Variants in GPRIN1 observed in about 807,000 individuals in gnomAD.
The protein encoded by GPRIN1 is G protein-regulated inducer of neurite outgrowth 1.
Under a neutral mutation model 2.8 loss-of-function variants are expected in GPRIN1, and 4 were observed. That is an observed-to-expected ratio of 1.45 (90% CI 0.71 to 3.32). GPRIN1 has a LOEUF of 3.32. Ranked by LOEUF, GPRIN1 falls within the 30% of genes most tolerant of loss-of-function variation. The pLI is 0.01. For synonymous variants in GPRIN1, 589 were observed against 589.9 expected (o/e 1.00, Z 0.02); for missense variants, 1,322 against 1,343.4 (o/e 0.98, Z 0.25).
At chr5:176,600,197 C>T (rs565707741) in intron 1 of GPRIN1, among the ~76,000 whole-genome samples, 17 of 152,266 alleles carry the variant, frequency 1.1e-4, no homozygotes, top group East Asian at 5.8e-4. Flanking sequence ...CTCAGCTCAC[C>T]GCAACCGCAA....
intron 1 of GPRIN1, among the ~76,000 whole-genome samples, chr5:176,609,141 GAGAC>G (rs1200646507): frequency 1.3e-5 from 2 of 152,252 alleles, no homozygotes; most frequent in Admixed American, 6.5e-5. Flanking sequence ...AGCACGCTAA[GAGAC>G]AGAGTGTGTG....
rs1293771765 is a variant in GPRIN1 at position 176,596,991 on chromosome 5, C to T, written c.2844G>A (p.Glu948=). 7 of 1,409,866 alleles carry T rather than the reference C, an allele frequency of 5.0e-6. No individual in the cohort carries two copies. In the African/African-American group the frequency reaches 8.8e-5, roughly 18 times the overall value. 87.3% of individuals were successfully genotyped at this position (1,409,866 alleles called of 1,614,324 possible). ...GCGCGGGCGCCCCTTGGCGGCCGTG[C>T]TCCTCGATCTGTCGCTCCAGATGCT... ...IQKHLERQIE[E]HGRQGAPAPP... The change falls in exon 2 of 2, where the codon GAG becomes GAA. Residue 948 remains glutamate (E), a synonymous_variant. Transcript: ENST00000303991. The surrounding 1 kb of genome is among the most constrained non-coding windows in gnomAD (Gnocchi z 5.2).
chr5:176,603,717 G>A (rs973719150), intron 1 of GPRIN1, among the ~76,000 whole-genome samples: 7 of 152,352 alleles, frequency 4.6e-5, no homozygotes, highest in African/African-American at 7.2e-5. Flanking sequence ...CCAGAAGCAC[G>A]GGAGAGGTCT....
chr5:176,608,359 G>C (rs112061646), intron 1 of GPRIN1, among the ~76,000 whole-genome samples: 1,849 of 152,194 alleles, frequency 0.012, 31 homozygotes, highest in African/African-American at 0.042. Flanking sequence ...CTGTGGGAAC[G>C]CACACACCCT....
chr5:176,606,381 G>A (rs912094112), intron 1 of GPRIN1, among the ~76,000 whole-genome samples: 1 of 152,226 alleles, frequency 6.6e-6, no homozygotes, highest in Non-Finnish European at 1.5e-5. Context: ...AGACAGGCTT[G>A]TTTGACCCAC....
Position 176,595,824 on chromosome 5 carries a change from A to T in GPRIN1, c.*984T>A. The T allele has an allele frequency of 1.3e-6, 1 of 745,516 alleles. No individual in the cohort carries two copies. The highest frequency in any genetic ancestry group is 3.2e-5 in the East Asian group (1 of 31,174). 46.2% of individuals were successfully genotyped at this position (745,516 alleles called of 1,614,324 possible). On this transcript the variant is annotated 3_prime_UTR_variant, in exon 2 of 2. Transcript: ENST00000303991. ...GGGTTGGGGAAATATTTTATTACCA[A>T]TGTATACTGTGACAGTTTGTAGCCA...
rs1287947766 is a variant in GPRIN1 at position 176,599,367 on chromosome 5, C to T, written c.468G>A (p.Lys156=). Residue 156 remains lysine (K), a synonymous_variant, in exon 2 of 2, where the codon AAG becomes AAA. Coordinates refer to ENST00000303991, the MANE Select transcript of GPRIN1 (RefSeq NM_052899.3). ...NPMFLEKMDF[K]SSKQADSTSI... ...AAGTGGAATCGGCCTGCTTTGAGGA[C>T]TTGAAATCCATCTTCTCTAAGAACA... The T allele has an allele frequency of 1.9e-6, 3 of 1,614,088 alleles. No homozygotes were observed. The highest frequency in any genetic ancestry group is 2.7e-5 in the African/African-American group (2 of 74,932).
Position 176,598,511 on chromosome 5 carries a change from G to A in GPRIN1, c.1324C>T (p.Arg442Cys), listed in dbSNP as rs1039279323. Residue 442 changes from arginine to cysteine, a missense_variant, in exon 2 of 2, where the codon CGT becomes TGT. By Grantham distance (180) the Arg-to-Cys change is radical (BLOSUM62 -3). This residue lies in a region of GPRIN1 where 1,117 missense variants were observed against 1,128.6 expected (regional missense o/e 0.99). Coordinates refer to ENST00000303991, the MANE Select transcript of GPRIN1 (RefSeq NM_052899.3). ...PELLSPGQAE[R>C]VSVGKAGTVS... ...GTTCCTGCCTTTCCCACAGACACAC[G>A]CTCTGCCTGTCCAGGAGACAAGAGC... 1.9e-6 allele frequency: 3 copies of A among 1,613,934 alleles called. No homozygotes were observed. Among genetic ancestry groups the A allele is most frequent in the East Asian group, 2.2e-5 (1 of 44,900 alleles).
chr5:176,609,881 A>C (rs1236622018), intron 1 of GPRIN1, 118 bp downstream of exon 1: 1 of 149,554 alleles, frequency 6.7e-6, no homozygotes, highest in Non-Finnish European at 1.5e-5. Context: ...GAGGTGTCCG[A>C]GCCCCGCCGC....
intron 1 of GPRIN1, among the ~76,000 whole-genome samples, chr5:176,605,563 G>A (rs1759211129): frequency 6.6e-6 from 1 of 152,112 alleles, no homozygotes; most frequent in Non-Finnish European, 1.5e-5. Context: ...AGTGCTTTGG[G>A]AAGTCAAGGT....
Position 176,599,060 on chromosome 5 carries a change from GCTC to G in GPRIN1, c.772_774del (p.Glu258del), listed in dbSNP as rs1192244390. The G allele has an allele frequency of 6.2e-6, 10 of 1,614,184 alleles. No homozygotes were observed. Among genetic ancestry groups the G allele is most frequent in the Admixed American group, 1.7e-5 (1 of 60,026 alleles). ...GGATGCTCTTTTCCTGAATACCTGG[GCTC>G]CTCCTTTCTTGGGAATACAGGGTCC... On this transcript the variant is annotated inframe_deletion, in exon 2 of 2. Transcript: ENST00000303991.
chr5:176,603,168 A>C (rs879924072), intron 1 of GPRIN1, among the ~76,000 whole-genome samples: 9 of 152,108 alleles, frequency 5.9e-5, no homozygotes, highest in Non-Finnish European at 1.3e-4. Flanking sequence ...TATGCTCCTA[A>C]GCCCCTATGT....
intron 1 of GPRIN1, among the ~76,000 whole-genome samples, chr5:176,603,489 A>T (rs1263667715): frequency 1.3e-5 from 2 of 152,192 alleles, no homozygotes; most frequent in Non-Finnish European, 2.9e-5. Flanking sequence ...GTCCCTGGCC[A>T]GACCTCAGGT....
Position 176,596,998 on chromosome 5 carries a change from A to ATC in GPRIN1, c.2835_2836dup (p.Ile946ArgfsTer140), listed in dbSNP as rs1488567855. 1 of 1,424,268 alleles carries ATC rather than the reference A, an allele frequency of 7.0e-7. No individual in the cohort carries two copies. Among genetic ancestry groups the ATC allele is most frequent in the African/African-American group, 1.5e-5 (1 of 68,518 alleles). 88.2% of individuals were successfully genotyped at this position (1,424,268 alleles called of 1,614,324 possible). On this transcript the variant is annotated frameshift_variant, in exon 2 of 2. Transcript: ENST00000303991. LOFTEE classifies it high-confidence loss of function. The surrounding 1 kb of genome is among the most constrained non-coding windows in gnomAD (Gnocchi z 5.2). ...CGCCCCTTGGCGGCCGTGCTCCTCG[A>ATC]TCTGTCGCTCCAGATGCTTCTGGAT...
chr5:176,599,580 G>A lies in GPRIN1; in HGVS notation c.255C>T (p.Asp85=), dbSNP rs1256358821. ...GGCAGGCCAGGCTCCCTCTGGGGCCGTCAGAGCAGGAGGCCCCTTCCCCAG... is the reference window on the plus strand; with the variant it reads ...GGCAGGCCAGGCTCCCTCTGGGGCCATCAGAGCAGGAGGCCCCTTCCCCAG... ...SGAGEGASCS[D]GPRGSLACPS... The change falls in exon 2 of 2, where the codon GAC becomes GAT. Residue 85 remains aspartate, a synonymous_variant. Transcript: ENST00000303991. The A allele has an allele frequency of 9.0e-6, 14 of 1,560,360 alleles. No homozygotes were observed. The highest frequency in any genetic ancestry group is 1.7e-4 in the Middle Eastern group (1 of 5,762).
chr5:176,600,501 C>T (rs1759129444), intron 1 of GPRIN1, among the ~76,000 whole-genome samples: 1 of 152,188 alleles, frequency 6.6e-6, no homozygotes, highest in Non-Finnish European at 1.5e-5. Flanking sequence ...TCCTCTAGGC[C>T]AGGGGCTGCA....
At position 176,599,273 on chromosome 5, in the gene GPRIN1, C is replaced by T; in HGVS notation, c.562G>A (p.Glu188Lys). 1 of 1,614,084 alleles carries T rather than the reference C, an allele frequency of 6.2e-7. No homozygotes were observed. The highest frequency in any genetic ancestry group is 8.5e-7 in the Non-Finnish European group (1 of 1,180,006). ...DPMFTGKAEP[E>K]ILGKGDPVAP... ...ACAGGATCCCCCTTTCCCAAGATTT[C>T]AGGCTCTGCCTTTCCTGTAAACATG... Residue 188 changes from glutamate (E) to lysine (K), a missense_variant, in exon 2 of 2, where the codon GAA becomes AAA. By Grantham distance (56) the Glu-to-Lys change is moderately conservative. Coordinates refer to ENST00000303991, the MANE Select transcript of GPRIN1 (RefSeq NM_052899.3).
rs771797551 is a variant in GPRIN1 at position 176,599,643 on chromosome 5, G to A, written c.192C>T (p.Ser64=). 1.0e-5 allele frequency: 16 copies of A among 1,545,242 alleles called. No homozygotes were observed. Among genetic ancestry groups the A allele is most frequent in the Admixed American group, 2.1e-5 (1 of 47,848 alleles). The change falls in exon 2 of 2, where the codon AGC becomes AGT. Residue 64 remains serine, a synonymous_variant. Transcript: ENST00000303991. ...TTCTGTGTCTAGACTCCATGCCTGGGCTTTGGTCAGGGGTGTGCCTGGGGG... is the reference window on the plus strand; with the variant it reads ...TTCTGTGTCTAGACTCCATGCCTGGACTTTGGTCAGGGGTGTGCCTGGGGG... The part of the protein sequence containing the change: ...PAPPRHTPDQ[S]PGMESRHRSP...
At chr5:176,609,652 C>T (rs910912771) in intron 1 of GPRIN1, among the ~76,000 whole-genome samples, 2 of 152,068 alleles carry the variant, frequency 1.3e-5, no homozygotes, top group Non-Finnish European at 2.9e-5. Flanking sequence ...CCCCCTCCCG[C>T]GCGGCCATGC....
Sources: allele counts gnomAD v4.1 joint callset (sites outside exome capture counted in the v4.1 genomes callset), GRCh38; gene constraint gnomAD v4.1.1; regional missense constraint gnomAD v4.1.1; non-coding constraint Gnocchi (gnomAD v3.1); transcripts MANE v1.5; gene names NCBI Gene and HGNC (gene_info 2026-07-23, HGNC 2026-07-21).